Variants in UNC13C observed in about 807,000 individuals in gnomAD.
The protein encoded by UNC13C is protein unc-13 homolog C.
Under a neutral mutation model 245.4 loss-of-function variants are expected in UNC13C, and 174 were observed. The ratio of observed to expected loss-of-function variants is 0.71; its 90% CI spans 0.63 to 0.80. The LOEUF is 0.80. Ranked by LOEUF, UNC13C falls within the 30% of genes least tolerant of loss-of-function variation. The pLI, the probability that UNC13C is intolerant of heterozygous loss-of-function variation, is 0.00. For missense variants in UNC13C, 2,829 were observed against 2,602.9 expected (o/e 1.09, Z -1.89); for synonymous variants, 992 against 895.1 (o/e 1.11, Z -1.93).
At chr15:53,911,257 G>C in the UNC13C span, 3 of 152,388 alleles carry the variant, frequency 2.0e-5, no homozygotes, top group South Asian at 6.2e-4. Context: ...GGCACTTAGA[G>C]GCCCAGATAA....
chr15:54,221,081 C>A (rs2035211543), intron 4 of UNC13C, among the ~76,000 whole-genome samples: 1 of 151,954 alleles, frequency 6.6e-6, no homozygotes, highest in African/African-American at 2.4e-5. Context: ...AATAAGTTAA[C>A]AATTTATTTT....
chr15:54,282,485 A>G (rs1357118602), intron 10 of UNC13C, among the ~76,000 whole-genome samples: 1 of 152,114 alleles, frequency 6.6e-6, no homozygotes, highest in Non-Finnish European at 1.5e-5. Flanking sequence ...TGGCCAGACC[A>G]GGTGTGTCAC....
At chr15:54,326,276 G>C (rs2038295740) in intron 14 of UNC13C, among the ~76,000 whole-genome samples, 1 of 152,020 alleles carries the variant, frequency 6.6e-6, no homozygotes, top group African/African-American at 2.4e-5. Context: ...AGAGGGGAAG[G>C]GGGTTGGTAA....
At chr15:54,271,696 A>G (rs757577272) in intron 10 of UNC13C, among the ~76,000 whole-genome samples, 2 of 152,240 alleles carry the variant, frequency 1.3e-5, no homozygotes, top group African/African-American at 4.8e-5. Context: ...GATAGTAGAT[A>G]TGTGTTACTT....
At chr15:54,095,465 T>A (rs1213649860) in intron 2 of UNC13C, among the ~76,000 whole-genome samples, 1 of 152,192 alleles carries the variant, frequency 6.6e-6, no homozygotes, top group Non-Finnish European at 1.5e-5. Context: ...AAACTAATGT[T>A]AAGCAACCTT....
intron 19 of UNC13C, among the ~76,000 whole-genome samples, chr15:54,487,184 G>C (rs1236691633): frequency 6.6e-6 from 1 of 152,104 alleles, no homozygotes; most frequent in East Asian, 1.9e-4. Context: ...CTGGTTTAAT[G>C]AACCCAGGGA....
chr15:53,921,994 T>G, the UNC13C span, among the ~76,000 whole-genome samples: 1 of 152,232 alleles, frequency 6.6e-6, no homozygotes, highest in African/African-American at 2.4e-5. Flanking sequence ...ATTTCAAAAG[T>G]ATAATATATT....
intron 26 of UNC13C, among the ~76,000 whole-genome samples, chr15:54,536,414 G>A (rs1411278909): frequency 6.6e-6 from 1 of 151,956 alleles, no homozygotes; most frequent in African/African-American, 2.4e-5. Context: ...GTAAAAAAGA[G>A]CTAGTACCAA....
intron 26 of UNC13C, among the ~76,000 whole-genome samples, chr15:54,546,447 A>G (rs1458331667): frequency 6.6e-6 from 1 of 152,184 alleles, no homozygotes; most frequent in African/African-American, 2.4e-5. Context: ...CTGCACACGT[A>G]TCCCAAAACT....
intron 28 of UNC13C, among the ~76,000 whole-genome samples, chr15:54,554,847 T>G (rs893286053): frequency 6.6e-6 from 1 of 152,006 alleles, no homozygotes; most frequent in East Asian, 1.9e-4. Context: ...ACGAAGAAAT[T>G]CCATTGTAAA....
chr15:54,338,887 G>T (rs111383502), intron 17 of UNC13C, among the ~76,000 whole-genome samples: 9 of 152,156 alleles, frequency 5.9e-5, no homozygotes, highest in African/African-American at 1.9e-4. Flanking sequence ...TGTTTTTTGA[G>T]ATGGAGTCTC....
chr15:54,288,208 A>T (rs1270737634), intron 10 of UNC13C, among the ~76,000 whole-genome samples: 1 of 152,138 alleles, frequency 6.6e-6, no homozygotes, highest in Non-Finnish European at 1.5e-5. Context: ...CTAGCAACAG[A>T]AGTAGTTTCT....
At chr15:54,095,960 G>C (rs913450260) in intron 2 of UNC13C, among the ~76,000 whole-genome samples, 1 of 152,172 alleles carries the variant, frequency 6.6e-6, no homozygotes, top group Non-Finnish European at 1.5e-5. Flanking sequence ...GTCGAATTGA[G>C]GAAACTGGTC....
the UNC13C span, among the ~76,000 whole-genome samples, chr15:53,959,268 C>T: frequency 6.6e-6 from 1 of 151,760 alleles, no homozygotes; most frequent in East Asian, 1.9e-4. Context: ...GTAGATATCT[C>T]TTAGATATAC....
chr15:54,544,774 A>G (rs536980404), intron 26 of UNC13C, among the ~76,000 whole-genome samples: 2 of 152,290 alleles, frequency 1.3e-5, no homozygotes, highest in East Asian at 3.9e-4. Context: ...AGAACTACAA[A>G]CCACTACTCA....
chr15:54,070,959 A>G (rs1481832178), intron 2 of UNC13C, among the ~76,000 whole-genome samples: 1 of 152,152 alleles, frequency 6.6e-6, no homozygotes, highest in Non-Finnish European at 1.5e-5. Flanking sequence ...TATATAATTT[A>G]TTATTCAACA....
chr15:54,073,677 C>T (rs138232792), intron 2 of UNC13C, among the ~76,000 whole-genome samples: 9,348 of 152,274 alleles, frequency 0.061, 407 homozygotes, highest in South Asian at 0.15. Context: ...GCATAAATGT[C>T]TTCTTTTGAC....
At chr15:54,474,251 A>T (rs973908761) in intron 19 of UNC13C, among the ~76,000 whole-genome samples, 2 of 152,002 alleles carry the variant, frequency 1.3e-5, no homozygotes, top group Non-Finnish European at 2.9e-5. Context: ...ATAAATCTTC[A>T]TACTGTTTTC....
chr15:54,140,899 A>T (rs1334654856), intron 2 of UNC13C, among the ~76,000 whole-genome samples: 1 of 152,146 alleles, frequency 6.6e-6, no homozygotes, highest in Non-Finnish European at 1.5e-5. Context: ...AGACAAGAAA[A>T]CAGTCAAAGT....
Sources: allele counts gnomAD v4.1 joint callset (sites outside exome capture counted in the v4.1 genomes callset), GRCh38; gene constraint gnomAD v4.1.1; transcripts MANE v1.5; gene names NCBI Gene and HGNC (gene_info 2026-07-23, HGNC 2026-07-21).